The following PCDH19 variants were observed in gnomAD, a reference collection of about 807,000 sequenced individuals.
PCDH19 encodes the protein protocadherin-19.
In PCDH19, 6 loss-of-function variants were observed where a neutral mutation model predicts 46.2. That is an observed-to-expected ratio of 0.13 (90% CI 0.07 to 0.26). The LOEUF is 0.26. Among genes scored for constraint, PCDH19 ranks in the 10% least tolerant of loss-of-function variants. The pLI is 1.00. For missense variants in PCDH19, 740 were observed against 972.3 expected, an observed-to-expected ratio of 0.76 and a Z score of 3.18; for synonymous variants, 481 against 415.7, an observed-to-expected ratio of 1.16 and a Z score of -1.91.
At chrX:100,397,010 T>C (rs192430467) in intron 3 of PCDH19, among the ~76,000 whole-genome samples, 2 of 111,273 alleles carry the variant, frequency 1.8e-5, no homozygotes, top group African/African-American at 6.5e-5. Context: ...CACTAAAGGG[T>C]TTGTTGGTTT....
At chrX:100,344,389 A>G (rs914770735) in intron 4 of PCDH19, among the ~76,000 whole-genome samples, 6 of 111,435 alleles carry the variant, frequency 5.4e-5, no homozygotes, top group African/African-American at 1.6e-4. Context: ...CATATTACGG[A>G]GTTTTCTGTA....
intron 4 of PCDH19, among the ~76,000 whole-genome samples, chrX:100,347,333 G>C (rs1399652362): frequency 9.0e-6 from 1 of 111,134 alleles, no homozygotes; most frequent in Non-Finnish European, 1.9e-5. Context: ...CATGATGACT[G>C]GATCCCTTGG....
chrX:100,338,341 CAA>C (rs1192568481), intron 5 of PCDH19, among the ~76,000 whole-genome samples: 453 of 35,978 alleles, frequency 0.013, 5 homozygotes, highest in African/African-American at 0.027. Context: ...GACTCCGTCT[CAA>C]AAAAAAAAAA....
intron 5 of PCDH19, among the ~76,000 whole-genome samples, chrX:100,320,827 AT>A (rs1289870933): frequency 1.0e-5 from 1 of 96,780 alleles, no homozygotes; most frequent in African/African-American, 3.9e-5. Flanking sequence ...TACAGGTGGT[AT>A]TGGTTACATG....
At chrX:100,366,643 C>T (rs1927078146) in intron 3 of PCDH19, among the ~76,000 whole-genome samples, 1 of 112,059 alleles carries the variant, frequency 8.9e-6, no homozygotes, top group South Asian at 3.7e-4. Context: ...AACAAGGTTA[C>T]AAGGAAAATG....
In PCDH19 at chrX:100,407,206, C is replaced by G. The variant is rs753384740; in HGVS notation, c.1392G>C (p.Glu464Asp). The stretch of plus-strand genomic sequence containing the variant: ...GCAGATAGGCGCCAGGCGTGTTGTT[C>G]TCCTGCACAATGACCTGGTAGTAGG... Reference protein sequence around the residue: ...SKPYYQVIVQENNTPGAYLLS... With the variant: ...SKPYYQVIVQDNNTPGAYLLS... The change falls in exon 1 of 6, where the codon GAG becomes GAC. Residue 464 changes from glutamate (E) to aspartate (D), a missense_variant. Glu to Asp is a conservative substitution (Grantham distance 45). This residue lies in a region of PCDH19 where 186 missense variants were observed against 319.9 expected (regional missense o/e 0.58). Transcript: ENST00000373034. 8.3e-7 allele frequency: 1 copy of G among 1,211,660 alleles called. No homozygotes were observed. The highest frequency in any genetic ancestry group is 2.2e-5 in the Admixed American group (1 of 46,085).
intron 4 of PCDH19, among the ~76,000 whole-genome samples, chrX:100,349,441 CATCACT>C (rs1284737603): frequency 8.9e-6 from 1 of 111,737 alleles, no homozygotes; most frequent in Non-Finnish European, 1.9e-5. Flanking sequence ...AACTAATGAT[CATCACT>C]TAAGGTCACA....
chrX:100,348,065 CAAAAAAAAA>C (rs1177957771), intron 4 of PCDH19, among the ~76,000 whole-genome samples: 3 of 40,612 alleles, frequency 7.4e-5, no homozygotes, highest in Non-Finnish European at 1.2e-4. Flanking sequence ...GATTCCGTCT[CAAAAAAAAA>C]AAAAAAAAAA....
intron 3 of PCDH19, among the ~76,000 whole-genome samples, chrX:100,350,919 C>T (rs1356003114): frequency 2.7e-5 from 3 of 112,149 alleles, no homozygotes; most frequent in Non-Finnish European, 3.8e-5. Context: ...GGCCTTGGCA[C>T]AAACATTCCC....
At chrX:100,392,477 C>A (rs191318550) in intron 3 of PCDH19, among the ~76,000 whole-genome samples, 78 of 112,039 alleles carry the variant, frequency 7.0e-4, no homozygotes, top group Non-Finnish European at 5.6e-4. Flanking sequence ...ATCTTCACTA[C>A]GAAAAAACCA....
chrX:100,313,195 T>A (rs755023504), intron 5 of PCDH19, among the ~76,000 whole-genome samples: 7 of 112,192 alleles, frequency 6.2e-5, no homozygotes, highest in Non-Finnish European at 1.3e-4. Context: ...TTGCATCTCC[T>A]GAACTCCAAT....
intron 3 of PCDH19, among the ~76,000 whole-genome samples, chrX:100,362,481 C>T (rs140156945): frequency 9.1e-6 from 1 of 110,319 alleles, no homozygotes; most frequent in African/African-American, 3.3e-5. Flanking sequence ...CCTGGTAGAC[C>T]CAGCTTCATT....
At chrX:100,300,366 T>C (rs1158300775) in intron 5 of PCDH19, among the ~76,000 whole-genome samples, 2 of 112,091 alleles carry the variant, frequency 1.8e-5, no homozygotes, top group African/African-American at 6.5e-5. Context: ...AATGGAGCTA[T>C]GAGACTAGAG....
chrX:100,384,790 T>C (rs1476398068), intron 3 of PCDH19, among the ~76,000 whole-genome samples: 5 of 111,795 alleles, frequency 4.5e-5, no homozygotes, highest in African/African-American at 1.6e-4. Context: ...AAAGTGGAAT[T>C]GCTGGGTCAA....
rs1396149003 is a variant in PCDH19 at position 100,291,816 on chromosome X, A to C, written c.*4461T>G. On this transcript the variant is annotated 3_prime_UTR_variant, in exon 6 of 6. Coordinates refer to ENST00000373034, the MANE Select transcript of PCDH19 (RefSeq NM_001184880.2). ...ATAAAGCTGCTTTATCATCTTCATA[A>C]AATAGACAGTGGTGATTCTTTTTTG... The C allele has an allele frequency of 8.8e-6, 1 of 113,192 alleles. No homozygotes were observed. Among genetic ancestry groups the C allele is most frequent in the Non-Finnish European group, 1.9e-5 (1 of 53,354 alleles). The allele number at this position is 113,192 out of a possible 1,213,427, so 9.3% of individuals were successfully genotyped here.
intron 5 of PCDH19, among the ~76,000 whole-genome samples, chrX:100,318,126 T>C (rs1476253053): frequency 8.9e-6 from 1 of 111,768 alleles, no homozygotes; most frequent in Non-Finnish European, 1.9e-5. Flanking sequence ...ACCATCCTTT[T>C]CCCAGAGGCA....
In PCDH19 at chrX:100,382,966, G is replaced by A. The variant is rs746707398; in HGVS notation, c.2616+19558C>T. 3.6e-5 allele frequency among the ~76,000 whole-genome samples: 4 copies of A among 112,576 alleles called. No individual in the cohort carries two copies. The South Asian group carries it at 1.5e-3, about 41-fold the overall frequency. Reference sequence around the variant, plus strand: ...GTAACTAAAAGCAGAAAAGCACACTGAGGTGGAATTTGTTTGCAGTAACAG... The same window carrying A: ...GTAACTAAAAGCAGAAAAGCACACTAAGGTGGAATTTGTTTGCAGTAACAG... On this transcript the variant is annotated intron_variant, in intron 3 of 5. Coordinates refer to ENST00000373034, the MANE Select transcript of PCDH19 (RefSeq NM_001184880.2).
At chrX:100,364,369 AT>A (rs1168332174) in intron 3 of PCDH19, among the ~76,000 whole-genome samples, 2 of 111,623 alleles carry the variant, frequency 1.8e-5, no homozygotes, top group African/African-American at 3.3e-5. Context: ...AATTCACAAA[AT>A]TTAAATTAAA....
chrX:100,363,856 C>CATGTGTGTGTGTGTGT lies in PCDH19; in HGVS notation c.2617-13153_2617-13152insACACACACACACACAT, dbSNP rs57620335. 6.6e-3 allele frequency among the ~76,000 whole-genome samples: 589 copies of CATGTGTGTGTGTGTGT among 88,953 alleles called. 7 individuals carry two copies. The highest frequency in any genetic ancestry group is 0.018 in the East Asian group (57 of 3,103). 77.2% of individuals were successfully genotyped at this position (88,953 alleles called of 115,157 possible). On this transcript the variant is annotated intron_variant, in intron 3 of 5. Coordinates refer to ENST00000373034, the MANE Select transcript of PCDH19 (RefSeq NM_001184880.2). ...AGACACTTTAGGTAGAATGTGCGTG[C>CATGTGTGTGTGTGTGT]GTGTGTGTGTGTGTGTGTGTGTGTG...
Sources: gnomAD v4.1 joint callset for allele counts (sites outside exome capture counted in the v4.1 genomes callset) on GRCh38, gnomAD v4.1.1 for gene constraint, gnomAD v4.1.1 regional missense constraint, MANE v1.5 for transcripts, NCBI Gene and HGNC (gene_info 2026-07-23, HGNC 2026-07-21) for gene names.